U2AF2: variants seen among roughly 807,000 people sequenced by gnomAD.
The protein encoded by U2AF2 is splicing factor U2AF 65 kDa subunit.
In U2AF2, 6 loss-of-function variants were observed where a neutral mutation model predicts 52.6. That is an observed-to-expected ratio of 0.11 (90% CI 0.06 to 0.23). The LOEUF (loss-of-function observed/expected upper bound fraction) is 0.23, where lower values mean the gene tolerates loss of function less well. Among genes scored for constraint, U2AF2 ranks in the 10% least tolerant of loss-of-function variants. The pLI is 1.00. For synonymous variants in U2AF2, 284 were observed against 258.2 expected (o/e 1.10, Z -0.96); for missense variants, 222 against 677.1 (o/e 0.33, Z 7.46).
intron 10 of U2AF2, 85 bp downstream of exon 10, chr19:55,669,266 A>G (rs1238514863): frequency 3.2e-6 from 5 of 1,567,068 alleles, no homozygotes; most frequent in Non-Finnish European, 4.3e-6. Flanking sequence ...TCTTTCTCCC[A>G]GCTTTCATGG....
Position 55,674,192 on chromosome 19 carries a change from A to C in U2AF2, c.*124A>C. ...CAGCCGCAGACACACGACAGCCGGC[A>C]GCAACTGGAATGGCAGCAATTAAGG... On this transcript the variant is annotated 3_prime_UTR_variant, in exon 12 of 12. Coordinates refer to ENST00000308924, the MANE Select transcript of U2AF2 (RefSeq NM_007279.3). The C allele has an allele frequency of 1.0e-5, 4 of 388,960 alleles. No homozygotes were observed. The highest frequency in any genetic ancestry group is 1.0e-5 in the Non-Finnish European group (3 of 292,532). The allele number at this position is 388,960 out of a possible 1,614,324, so 24.1% of individuals were successfully genotyped here.
intron 1 of U2AF2, among the ~76,000 whole-genome samples, chr19:55,656,838 C>T (rs1017794718): frequency 5.3e-5 from 8 of 152,132 alleles, no homozygotes; most frequent in African/African-American, 1.9e-4. Flanking sequence ...GCGATATTTG[C>T]AATTGTAAAA....
intron 11 of U2AF2, chr19:55,672,011 C>A (rs916351320): frequency 1.3e-5 from 2 of 151,890 alleles, no homozygotes; most frequent in Non-Finnish European, 2.9e-5. Flanking sequence ...TGCCTGTAAT[C>A]CCAGCTACTC....
At position 55,668,851 on chromosome 19, in the gene U2AF2, C is replaced by G; in HGVS notation, c.945+59C>G. Reference sequence around the variant, plus strand: ...GTCCTTCCCTGCCCTGCGCTGTTGCCAAGCCATGGTCTCCCCTCCTCAGGG... The same window carrying G: ...GTCCTTCCCTGCCCTGCGCTGTTGCGAAGCCATGGTCTCCCCTCCTCAGGG... On this transcript the variant is annotated intron_variant, in intron 9 of 11. Coordinates refer to ENST00000308924, the MANE Select transcript of U2AF2 (RefSeq NM_007279.3). The surrounding 1 kb of genome is among the most constrained non-coding windows in gnomAD (Gnocchi z 5.5). 6 of 1,573,026 alleles carry G rather than the reference C, an allele frequency of 3.8e-6. No individual in the cohort carries two copies. Among genetic ancestry groups the G allele is most frequent in the Non-Finnish European group, 5.2e-6 (6 of 1,155,794 alleles).
chr19:55,655,516 C>G (rs1048020492), intron 1 of U2AF2, among the ~76,000 whole-genome samples: 2 of 152,258 alleles, frequency 1.3e-5, no homozygotes, highest in African/African-American at 4.8e-5. Context: ...ATGTTAGTCC[C>G]CGTAATCTCT....
chr19:55,662,464 TCCCCC>T, intron 5 of U2AF2, 33 bp from the exon 6 acceptor site: 5 of 612,994 alleles, frequency 8.2e-6, no homozygotes, highest in Non-Finnish European at 1.4e-5. Context: ...CCACCTCCCT[TCCCCC>T]GCCCCCCCCC....
chr19:55,659,000 G>A (rs1270901862), intron 1 of U2AF2: 2 of 640,146 alleles, frequency 3.1e-6, no homozygotes, highest in Non-Finnish European at 4.6e-6. Flanking sequence ...CACCCCGGGG[G>A]CATTTCCAGG....
chr19:55,669,017 G>A (rs1231497973), intron 9 of U2AF2, 66 bp from the exon 10 acceptor site: 4 of 1,566,300 alleles, frequency 2.6e-6, no homozygotes, highest in Non-Finnish European at 3.5e-6. Flanking sequence ...GGGGGTAGGT[G>A]TCGGGCTCCT....
rs774660211 is a variant in U2AF2 at position 55,661,123 on chromosome 19, C to T, written c.420C>T (p.Val140=). ...TGACCCCAACGCCGGTGCCCGTGGT[C>T]GGGAGCCAGATGACCAGACAAGCCC... The part of the protein sequence containing the change: ...LAVTPTPVPV[V]GSQMTRQARR... Residue 140 remains valine (V), a synonymous_variant, in exon 5 of 12, where the codon GTC becomes GTT. Coordinates refer to ENST00000308924, the MANE Select transcript of U2AF2 (RefSeq NM_007279.3). 31 of 1,612,596 alleles carry T rather than the reference C, an allele frequency of 1.9e-5. No individual in the cohort carries two copies. Among genetic ancestry groups the T allele is most frequent in the Middle Eastern group, 1.7e-4 (1 of 6,038 alleles).
chr19:55,659,967 C>T (rs1984059678), intron 2 of U2AF2, among the ~76,000 whole-genome samples: 1 of 152,162 alleles, frequency 6.6e-6, no homozygotes, highest in African/African-American at 2.4e-5. Context: ...CTTCCTGGCC[C>T]CTGGCCCCTT....
chr19:55,671,036 G>A (rs1003371466), intron 11 of U2AF2, among the ~76,000 whole-genome samples: 1 of 152,154 alleles, frequency 6.6e-6, no homozygotes, highest in Admixed American at 6.5e-5. Context: ...CGGGCGTGGG[G>A]GCCTTCTTAT....
chr19:55,661,168 C>T lies in U2AF2; in HGVS notation c.465C>T (p.Asn155=). The change falls in exon 5 of 12, where the codon AAC becomes AAT. Residue 155 remains asparagine (N), a synonymous_variant. Transcript: ENST00000308924. The part of the protein sequence containing the change: ...TRQARRLYVG[N]IPFGITEEAM... ...AAGCCCGGCGCCTCTACGTGGGCAA[C>T]ATCCCCTTTGGCATCACTGAGGTAC... 2 of 1,609,944 alleles carry T rather than the reference C, an allele frequency of 1.2e-6. No homozygotes were observed. Among genetic ancestry groups the T allele is most frequent in the Non-Finnish European group, 1.7e-6 (2 of 1,178,030 alleles).
In U2AF2 at chr19:55,655,097, G is replaced by A. The variant is rs1220432567; in HGVS notation, c.-8G>A. On this transcript the variant is annotated 5_prime_UTR_variant, in exon 1 of 12. Transcript: ENST00000308924. ...AAGCTGCACAGGGCCCTACGCGGCC[G>A]CCTCAGCATGTCGGACTTCGACGAG... The A allele has an allele frequency of 6.2e-7, 1 of 1,605,894 alleles. No individual in the cohort carries two copies. The highest frequency in any genetic ancestry group is 2.3e-5 in the East Asian group (1 of 43,588).
intron 11 of U2AF2, 68 bp downstream of exon 11, chr19:55,669,760 CCT>C: frequency 6.7e-7 from 1 of 1,497,618 alleles, no homozygotes; most frequent in Non-Finnish European, 8.9e-7. Flanking sequence ...CCTCTTTCTT[CCT>C]CTCTTGCTCC....
chr19:55,659,685 ACT>A (rs146586354), intron 2 of U2AF2, among the ~76,000 whole-genome samples: 3,341 of 132,566 alleles, frequency 0.025, 111 homozygotes, highest in East Asian at 0.2. Context: ...CTTCTTTTCG[ACT>A]CTCTGTGGCT....
At chr19:55,663,485 G>C in intron 6 of U2AF2, 121 bp from the exon 7 acceptor site, 1 of 1,454,268 alleles carries the variant, frequency 6.9e-7, no homozygotes. Flanking sequence ...CCAGCCTGGG[G>C]CCTGGCATGT....
intron 9 of U2AF2, 71 bp from the exon 10 acceptor site, chr19:55,669,012 T>C: frequency 6.5e-7 from 1 of 1,543,972 alleles, no homozygotes. Context: ...GGCTTGGGGG[T>C]AGGTGTCGGG....
At chr19:55,665,233 G>A (rs1050791444) in intron 7 of U2AF2, among the ~76,000 whole-genome samples, 17 of 152,242 alleles carry the variant, frequency 1.1e-4, no homozygotes, top group African/African-American at 3.9e-4. Context: ...CTGGTGCTTA[G>A]TGTGTGTCAG....
chr19:55,669,824 C>CTT, intron 11 of U2AF2, 132 bp downstream of exon 11: 1 of 1,349,208 alleles, frequency 7.4e-7, no homozygotes, highest in Non-Finnish European at 9.8e-7. Context: ...CTCTCTCTCT[C>CTT]CTCTCGCAGC....
Sources: gnomAD v4.1 joint callset for allele counts (sites outside exome capture counted in the v4.1 genomes callset) on GRCh38, gnomAD v4.1.1 for gene constraint, Gnocchi (gnomAD v3.1) non-coding constraint, MANE v1.5 for transcripts, NCBI Gene and HGNC (gene_info 2026-07-23, HGNC 2026-07-21) for gene names.